OTUD5: variants seen among roughly 807,000 people sequenced by gnomAD.
The protein encoded by OTUD5 is OTU deubiquitinase 5.
Under a neutral mutation model 36.3 loss-of-function variants are expected in OTUD5, and 2 were observed. That is an observed-to-expected ratio of 0.06 (90% CI 0.02 to 0.17). OTUD5 has a LOEUF of 0.17. Among genes scored for constraint, OTUD5 ranks in the 10% least tolerant of loss-of-function variants. OTUD5 has a pLI of 1.00. For synonymous variants in OTUD5, 234 were observed against 214.9 expected, an observed-to-expected ratio of 1.09 and a Z score of -0.78; for missense variants, 233 against 512.3, an observed-to-expected ratio of 0.45 and a Z score of 5.26.
chrX:48,926,199 A>G, intron 5 of OTUD5, 149 bp from the exon 6 acceptor site: 1 of 460,127 alleles, frequency 2.2e-6, no homozygotes, highest in Non-Finnish European at 3.8e-6. Flanking sequence ...TCCACAGACT[A>G]CCTCTTGATT....
chrX:48,933,168 CA>C (rs2147578838), intron 5 of OTUD5, among the ~76,000 whole-genome samples: 1 of 111,226 alleles, frequency 9.0e-6, no homozygotes, highest in South Asian at 3.7e-4. Flanking sequence ...ATACAAAAAA[CA>C]AGAAAATTCT....
intron 1 of OTUD5, among the ~76,000 whole-genome samples, chrX:48,952,410 G>C (rs1171381186): frequency 8.9e-6 from 1 of 112,427 alleles, no homozygotes; most frequent in Non-Finnish European, 1.9e-5. Context: ...GCACAAATCT[G>C]TGAATATACT....
At chrX:48,941,772 T>G (rs1412280977) in intron 2 of OTUD5, among the ~76,000 whole-genome samples, 1 of 111,721 alleles carries the variant, frequency 9.0e-6, no homozygotes, top group Non-Finnish European at 1.9e-5. Context: ...CTAAGCTGAC[T>G]GCCATCTGTC....
intron 5 of OTUD5, among the ~76,000 whole-genome samples, chrX:48,930,520 A>G (rs1430034528): frequency 8.9e-6 from 1 of 112,301 alleles, no homozygotes; most frequent in Non-Finnish European, 1.9e-5. Context: ...ATGTGTACAA[A>G]GGCCACTATA....
In OTUD5 at chrX:48,923,796, G is replaced by A. The variant is rs781810243; in HGVS notation, c.1466-50C>T. ...TAGGGACCCAGGATCCAGGACCCAG[G>A]ACCCAGGACGTGCCTCCTAACTCCC... On this transcript the variant is annotated intron_variant, in intron 7 of 8. Transcript: ENST00000376488. 10 of 1,183,089 alleles carry A rather than the reference G, an allele frequency of 8.5e-6. No individual in the cohort carries two copies. The Admixed American group carries it at 1.5e-4, about 18-fold the overall frequency.
At chrX:48,926,521 T>C (rs1557047798) in intron 5 of OTUD5, among the ~76,000 whole-genome samples, 1 of 110,342 alleles carries the variant, frequency 9.1e-6, no homozygotes, top group African/African-American at 3.3e-5. Flanking sequence ...CGGCTAACTT[T>C]TTTGTATTTT....
chrX:48,937,579 AT>A (rs1363745886), intron 2 of OTUD5, among the ~76,000 whole-genome samples: 1 of 112,400 alleles, frequency 8.9e-6, no homozygotes, highest in African/African-American at 3.2e-5. Context: ...TGAGGGTCCC[AT>A]TTCTCTGCCA....
chrX:48,948,733 G>C (rs1199531302), intron 1 of OTUD5, among the ~76,000 whole-genome samples: 1 of 110,889 alleles, frequency 9.0e-6, no homozygotes, highest in East Asian at 2.8e-4. Flanking sequence ...GTAGGGGTGG[G>C]GGGTAGGGGA....
At chrX:48,950,665 A>C (rs1320202205) in intron 1 of OTUD5, among the ~76,000 whole-genome samples, 2 of 107,327 alleles carry the variant, frequency 1.9e-5, no homozygotes, top group Non-Finnish European at 3.8e-5. Context: ...CCTGGGTTCA[A>C]GCAATTCTCT....
intron 1 of OTUD5, among the ~76,000 whole-genome samples, chrX:48,954,132 T>G (rs1359379111): frequency 9.0e-6 from 1 of 111,088 alleles, no homozygotes; most frequent in Non-Finnish European, 1.9e-5. Context: ...CATATTCTTT[T>G]TTTTTTATTA....
chrX:48,953,398 C>T (rs1557054332), intron 1 of OTUD5, among the ~76,000 whole-genome samples: 1 of 111,673 alleles, frequency 9.0e-6, no homozygotes, highest in Non-Finnish European at 1.9e-5. Flanking sequence ...CCTCAAAAGA[C>T]ATCCACCATT....
intron 2 of OTUD5, chrX:48,940,316 C>A (rs1346435322): frequency 8.8e-6 from 1 of 113,754 alleles, no homozygotes; most frequent in Non-Finnish European, 1.9e-5. Context: ...CAGGAAATGG[C>A]CCGTGGGAAT....
At chrX:48,931,314 C>T (rs2063747684) in intron 5 of OTUD5, among the ~76,000 whole-genome samples, 1 of 112,335 alleles carries the variant, frequency 8.9e-6, no homozygotes, top group Non-Finnish European at 1.9e-5. Flanking sequence ...CCTCTGTGAT[C>T]TTCCTCCCTA....
chrX:48,949,413 C>G (rs1557053191), intron 1 of OTUD5, among the ~76,000 whole-genome samples: 1 of 111,821 alleles, frequency 8.9e-6, no homozygotes, highest in East Asian at 2.8e-4. Flanking sequence ...TACGGTGATT[C>G]ACGCCTGTAA....
chrX:48,938,328 G>A lies in OTUD5; in HGVS notation c.689-3310C>T, dbSNP rs189372525. Among the ~76,000 whole-genome samples, 73 of 111,780 alleles carry A rather than the reference G, an allele frequency of 6.5e-4. No individual in the cohort carries two copies. In the Middle Eastern group the frequency reaches 0.014, roughly 21 times the overall value. On this transcript the variant is annotated intron_variant, in intron 2 of 8. Coordinates refer to ENST00000376488, the MANE Select transcript of OTUD5 (RefSeq NM_001136157.2). ...CTACCCCAACAAGGGAGAATAGAAG[G>A]ATTTCTCCAATAATATAAGGCAGGA...
chrX:48,954,074 C>A (rs2064192511), intron 1 of OTUD5, among the ~76,000 whole-genome samples: 1 of 111,139 alleles, frequency 9.0e-6, no homozygotes, highest in African/African-American at 3.3e-5. Flanking sequence ...GAAAGCCTCT[C>A]CTGTCATTGG....
At chrX:48,926,692 G>GT (rs1409623313) in intron 5 of OTUD5, among the ~76,000 whole-genome samples, 1 of 111,698 alleles carries the variant, frequency 9.0e-6, no homozygotes, top group African/African-American at 3.3e-5. Flanking sequence ...AGTGATGACT[G>GT]TTTCATAATG....
intron 5 of OTUD5, 144 bp downstream of exon 5, chrX:48,934,320 A>ATTT: frequency 6.6e-5 from 25 of 378,339 alleles, no homozygotes; most frequent in Admixed American, 1.5e-4. Flanking sequence ...GTAACTCCCT[A>ATTT]TTTTTTTTTT....
chrX:48,937,111 AG>A (rs782059188), intron 2 of OTUD5, among the ~76,000 whole-genome samples: 3 of 111,569 alleles, frequency 2.7e-5, no homozygotes, highest in Non-Finnish European at 3.8e-5. Context: ...GAAGGCGGGA[AG>A]GGGGGTAGCC....
Sources: gnomAD v4.1 joint callset for allele counts (sites outside exome capture counted in the v4.1 genomes callset) on GRCh38, gnomAD v4.1.1 for gene constraint, MANE v1.5 for transcripts, NCBI Gene and HGNC (gene_info 2026-07-23, HGNC 2026-07-21) for gene names.